The following TRIO variants were observed in gnomAD, a reference collection of about 807,000 sequenced individuals.
TRIO encodes the protein trio Rho guanine nucleotide exchange factor.
A neutral mutation model predicts 351.9 loss-of-function variants in TRIO; 58 were observed. The ratio of observed to expected loss-of-function variants is 0.16; its 90% CI spans 0.13 to 0.21. TRIO has a LOEUF of 0.21. Ranked by LOEUF, TRIO falls within the 10% of genes least tolerant of loss-of-function variation. TRIO has a pLI of 1.00. For synonymous variants in TRIO, 1,758 were observed against 1,595.7 expected, an observed-to-expected ratio of 1.10 and a Z score of -2.42; for missense variants, 3,201 against 4,027.8, an observed-to-expected ratio of 0.79 and a Z score of 5.56.
At position 14,421,926 on chromosome 5, in the gene TRIO, G is replaced by A. The variant is rs539928459; in HGVS notation, c.5203+1905G>A. 3.9e-5 allele frequency among the ~76,000 whole-genome samples: 6 copies of A among 152,324 alleles called. No individual in the cohort carries two copies. The East Asian group carries it at 1.2e-3, about 29-fold the overall frequency. On this transcript the variant is annotated intron_variant, in intron 34 of 56. Transcript: ENST00000344204. Reference sequence around the variant, plus strand: ...TGTCCCCTGGGAAGCAGAGACCCAGGCTTGCCTCTGCTCAGCCCCACAGTC... The same window carrying A: ...TGTCCCCTGGGAAGCAGAGACCCAGACTTGCCTCTGCTCAGCCCCACAGTC...
chr5:14,415,019 G>A (rs1431826516), intron 33 of TRIO, among the ~76,000 whole-genome samples: 1 of 152,134 alleles, frequency 6.6e-6, no homozygotes, highest in East Asian at 1.9e-4. Context: ...CTTTAACCAA[G>A]TAATCATTTT....
chr5:14,282,183 C>A (rs923770162), intron 3 of TRIO, among the ~76,000 whole-genome samples: 3 of 152,066 alleles, frequency 2.0e-5, no homozygotes, highest in Non-Finnish European at 4.4e-5. Flanking sequence ...AGGCAGCTGA[C>A]CTGTTGAAAT....
intron 33 of TRIO, among the ~76,000 whole-genome samples, chr5:14,410,671 G>A (rs371764318): frequency 6.6e-6 from 1 of 152,306 alleles, no homozygotes; most frequent in Admixed American, 6.5e-5. Flanking sequence ...TGGGTCGGGG[G>A]ATGTTTTTGA....
chr5:14,499,055 G>GA (rs3840114), intron 53 of TRIO: 49,732 of 166,610 alleles, frequency 0.3, 8,124 homozygotes, highest in African/African-American at 0.4. Flanking sequence ...GTCTCATGTA[G>GA]AATGTGCATG....
intron 7 of TRIO, among the ~76,000 whole-genome samples, chr5:14,301,788 G>A (rs914885735): frequency 6.6e-6 from 1 of 152,170 alleles, no homozygotes; most frequent in Non-Finnish European, 1.5e-5. Flanking sequence ...GGATTGCTGT[G>A]CTGGTGCTGT....
At chr5:14,177,820 T>C (rs1448771820) in intron 1 of TRIO, among the ~76,000 whole-genome samples, 2 of 152,186 alleles carry the variant, frequency 1.3e-5, no homozygotes, top group African/African-American at 4.8e-5. Flanking sequence ...CTTTGCATCT[T>C]CATGCTAATG....
chr5:14,148,882 C>T (rs764504778), intron 1 of TRIO, among the ~76,000 whole-genome samples: 6 of 152,178 alleles, frequency 3.9e-5, no homozygotes, highest in African/African-American at 7.2e-5. Flanking sequence ...CAGGCTGGGT[C>T]CCCAGCTGGA....
At chr5:14,488,936 C>T (rs1030966571) in intron 48 of TRIO, 2 of 763,748 alleles carry the variant, frequency 2.6e-6, no homozygotes. Context: ...TTTGGCCCAT[C>T]ACTCATGCTG....
chr5:14,296,404 G>T (rs751643338), intron 6 of TRIO, among the ~76,000 whole-genome samples: 1 of 152,192 alleles, frequency 6.6e-6, no homozygotes, highest in Admixed American at 6.5e-5. Context: ...CTGCAAAAAG[G>T]GTGGGTTTTT....
intron 19 of TRIO, among the ~76,000 whole-genome samples, chr5:14,377,142 G>A (rs1745628479): frequency 6.8e-6 from 1 of 147,078 alleles, no homozygotes; most frequent in Admixed American, 6.7e-5. Context: ...TTAAATGTTT[G>A]TGTCATGAGG....
chr5:14,406,823 C>T, intron 33 of TRIO, 151 bp downstream of exon 33: 1 of 724,016 alleles, frequency 1.4e-6, no homozygotes, highest in Non-Finnish European at 2.3e-6. Flanking sequence ...CGTGGTGGGG[C>T]AGAGACTTGG....
intron 34 of TRIO, among the ~76,000 whole-genome samples, chr5:14,429,927 C>T (rs917848471): frequency 9.2e-5 from 14 of 152,100 alleles, no homozygotes; most frequent in African/African-American, 3.4e-4. Flanking sequence ...TAGAGACCTG[C>T]TTCATTTTTT....
chr5:14,401,108 C>T, intron 31 of TRIO, 44 bp downstream of exon 31: 1 of 1,503,066 alleles, frequency 6.7e-7, no homozygotes, highest in Non-Finnish European at 9.2e-7. Context: ...GAAACATTTA[C>T]TGTGGCCATC....
chr5:14,145,617 C>T (rs1787468269), intron 1 of TRIO, among the ~76,000 whole-genome samples: 1 of 152,104 alleles, frequency 6.6e-6, no homozygotes, highest in South Asian at 2.1e-4. Context: ...TTCTCTCTAC[C>T]TACCTGTCAC....
intron 1 of TRIO, among the ~76,000 whole-genome samples, chr5:14,230,968 G>A (rs1793387559): frequency 6.6e-6 from 1 of 152,176 alleles, no homozygotes; most frequent in Non-Finnish European, 1.5e-5. Flanking sequence ...TAGGGGTGTT[G>A]GAGGATTAAA....
chr5:14,432,963 A>G (rs544704660), intron 34 of TRIO, among the ~76,000 whole-genome samples: 1 of 152,332 alleles, frequency 6.6e-6, no homozygotes, highest in African/African-American at 2.4e-5. Flanking sequence ...TCAAAAGCAC[A>G]TGTTGGCAGT....
At chr5:14,283,439 T>A (rs1187938835) in intron 3 of TRIO, among the ~76,000 whole-genome samples, 1 of 152,220 alleles carries the variant, frequency 6.6e-6, no homozygotes. Context: ...ATTGCTTTCC[T>A]GATCTGAAAA....
chr5:14,279,503 A>G (rs1026107416), intron 2 of TRIO, among the ~76,000 whole-genome samples: 2 of 152,252 alleles, frequency 1.3e-5, no homozygotes, highest in African/African-American at 4.8e-5. Flanking sequence ...TGAAGGATCC[A>G]CTTGAGAAGG....
chr5:14,349,864 C>T (rs1742888524), intron 11 of TRIO, among the ~76,000 whole-genome samples: 1 of 152,072 alleles, frequency 6.6e-6, no homozygotes, highest in African/African-American at 2.4e-5. Flanking sequence ...TTTTCTGATC[C>T]TTTTCCTCCT....
Sources: gnomAD v4.1 joint callset for allele counts (sites outside exome capture counted in the v4.1 genomes callset) on GRCh38, gnomAD v4.1.1 for gene constraint, MANE v1.5 for transcripts, NCBI Gene and HGNC (gene_info 2026-07-23, HGNC 2026-07-21) for gene names.